The following SUGP1 variants were observed in gnomAD, a reference collection of about 807,000 sequenced individuals.
SUGP1 encodes the protein SURP and G-patch domain containing 1, also known as SURP and G-patch domain-containing protein 1.
SUGP1 carries 34 observed loss-of-function variants against 76.5 expected under a neutral mutation model. The ratio of observed to expected loss-of-function variants is 0.44; its 90% CI spans 0.34 to 0.59. The LOEUF (loss-of-function observed/expected upper bound fraction) is 0.59, where lower values mean the gene tolerates loss of function less well. Among genes scored for constraint, SUGP1 ranks in the 20% least tolerant of loss-of-function variants. The pLI, the probability that SUGP1 is intolerant of heterozygous loss-of-function variation, is 0.01. For synonymous variants in SUGP1, 326 were observed against 326.2 expected (o/e 1.00, Z 0.01); for missense variants, 752 against 851.7 (o/e 0.88, Z 1.46).
intron 1 of SUGP1, among the ~76,000 whole-genome samples, chr19:19,317,056 T>C (rs572291481): frequency 6.6e-6 from 1 of 151,404 alleles, no homozygotes. Context: ...GAAAATTGCT[T>C]GAACCAGGGA....
chr19:19,290,637 C>T (rs2061174302), intron 8 of SUGP1, among the ~76,000 whole-genome samples: 4 of 151,894 alleles, frequency 2.6e-5, no homozygotes, highest in Admixed American at 2.6e-4. Context: ...GAGCAAGACT[C>T]TGTCTCAAAG....
chr19:19,296,897 C>T (rs1399256636), intron 8 of SUGP1, 92 bp downstream of exon 8: 21 of 1,117,238 alleles, frequency 1.9e-5, no homozygotes, highest in Non-Finnish European at 2.6e-5. Flanking sequence ...AATTCTGATA[C>T]AAGCTACACT....
chr19:19,277,678 A>G, intron 12 of SUGP1, 56 bp downstream of exon 12: 1 of 1,591,140 alleles, frequency 6.3e-7, no homozygotes, highest in Non-Finnish European at 8.6e-7. Flanking sequence ...GGGAGGCGGC[A>G]GGGGACCCAC....
intron 7 of SUGP1, among the ~76,000 whole-genome samples, chr19:19,299,742 A>G (rs530522681): frequency 2.6e-5 from 4 of 151,760 alleles, no homozygotes; most frequent in Non-Finnish European, 5.9e-5. Flanking sequence ...TATCTCAGAA[A>G]TGGGAGAATG....
chr19:19,276,091 C>T lies in SUGP1; in HGVS notation c.*557G>A, dbSNP rs2061047595. The T allele has an allele frequency of 6.4e-6, 1 of 155,862 alleles. No homozygotes were observed. The allele number at this position is 155,862 out of a possible 1,614,324, so 9.7% of individuals were successfully genotyped here. ...ATTATTTGAGACAGAGTCTTGCTCT[C>T]TTGCCCAGGCTGGAGTGCAAAGGCG... On this transcript the variant is annotated 3_prime_UTR_variant, in exon 14 of 14. Transcript: ENST00000247001.
intron 8 of SUGP1, among the ~76,000 whole-genome samples, chr19:19,286,080 A>C (rs2061138058): frequency 6.6e-6 from 1 of 152,224 alleles, no homozygotes; most frequent in South Asian, 2.1e-4. Flanking sequence ...TGAGAGGCCA[A>C]GGCAGGAGGT....
chr19:19,314,473 C>A (rs2061377713), intron 2 of SUGP1, among the ~76,000 whole-genome samples: 1 of 152,078 alleles, frequency 6.6e-6, no homozygotes. Context: ...CTACCATGTA[C>A]ATGAATTACC....
intron 1 of SUGP1, 142 bp from the exon 2 acceptor site, chr19:19,316,735 G>T: frequency 1.1e-6 from 1 of 932,142 alleles, no homozygotes; most frequent in Non-Finnish European, 1.6e-6. Flanking sequence ...CTTACAGAGT[G>T]CCTGCTGCAT....
At chr19:19,297,432 C>CAGGA in intron 7 of SUGP1, 88 bp from the exon 8 acceptor site, 79 of 1,077,696 alleles carry the variant, frequency 7.3e-5, no homozygotes, top group Non-Finnish European at 9.4e-5. Flanking sequence ...GCCTTGTGTG[C>CAGGA]CCACGTTGGC....
chr19:19,306,982 C>G (rs1238806597), intron 3 of SUGP1, among the ~76,000 whole-genome samples: 1 of 152,118 alleles, frequency 6.6e-6, no homozygotes, highest in African/African-American at 2.4e-5. Flanking sequence ...GCCAGCTCAC[C>G]ACCCTGAGAG....
At chr19:19,282,750 C>T (rs1371068246) in intron 8 of SUGP1, among the ~76,000 whole-genome samples, 2 of 152,020 alleles carry the variant, frequency 1.3e-5, no homozygotes, top group Non-Finnish European at 2.9e-5. Context: ...AGATGAACCA[C>T]GTAGCCTAGA....
intron 12 of SUGP1, 99 bp from the exon 13 acceptor site, chr19:19,277,175 G>A (rs745523595): frequency 2.2e-5 from 32 of 1,428,708 alleles, no homozygotes; most frequent in Non-Finnish European, 2.9e-5. Flanking sequence ...CGCGGGTGCA[G>A]GGCTGGGCTG....
chr19:19,304,040 C>T (rs2061295422), intron 4 of SUGP1, 193 bp from the exon 5 acceptor site: 1 of 1,571,028 alleles, frequency 6.4e-7, no homozygotes, highest in Non-Finnish European at 8.6e-7. Context: ...CTTGGTGAGA[C>T]ACACTAGGTG....
chr19:19,278,473 C>T (rs929003402), intron 11 of SUGP1, among the ~76,000 whole-genome samples: 24 of 152,230 alleles, frequency 1.6e-4, no homozygotes, highest in African/African-American at 5.8e-4. Flanking sequence ...CCCCCGCAGC[C>T]CCAGGAAATG....
chr19:19,292,546 A>G (rs1168720769), intron 8 of SUGP1, among the ~76,000 whole-genome samples: 2 of 152,058 alleles, frequency 1.3e-5, no homozygotes, highest in Admixed American at 6.6e-5. Context: ...TACTAAAAAT[A>G]CAAAAATTAG....
At chr19:19,311,005 C>T (rs2061348861) in intron 2 of SUGP1, among the ~76,000 whole-genome samples, 1 of 151,050 alleles carries the variant, frequency 6.6e-6, no homozygotes, top group Non-Finnish European at 1.5e-5. Context: ...TGCAATGGTG[C>T]GATAACAGGG....
intron 11 of SUGP1, 27 bp downstream of exon 11, chr19:19,278,663 C>G: frequency 6.3e-7 from 1 of 1,586,898 alleles, no homozygotes; most frequent in Non-Finnish European, 8.6e-7. Flanking sequence ...GTGGCAGAGG[C>G]TGGAGCTAGG....
intron 8 of SUGP1, among the ~76,000 whole-genome samples, chr19:19,295,380 G>A (rs1194723076): frequency 6.6e-6 from 1 of 151,856 alleles, no homozygotes; most frequent in South Asian, 2.1e-4. Flanking sequence ...TAAGGCAGGC[G>A]GATCATGAGG....
chr19:19,309,239 C>G (rs919919747), intron 3 of SUGP1, among the ~76,000 whole-genome samples: 22 of 152,122 alleles, frequency 1.4e-4, no homozygotes, highest in African/African-American at 5.1e-4. Flanking sequence ...AATGTCAACA[C>G]TTTGGAAGGC....
Sources: gnomAD v4.1 joint callset for allele counts (sites outside exome capture counted in the v4.1 genomes callset) on GRCh38, gnomAD v4.1.1 for gene constraint, MANE v1.5 for transcripts, NCBI Gene and HGNC (gene_info 2026-07-23, HGNC 2026-07-21) for gene names.